The following CRB2 variants were observed in gnomAD, a reference collection of about 807,000 sequenced individuals.
The protein encoded by CRB2 is crumbs cell polarity complex component 2, also known as protein crumbs homolog 2.
Under a neutral mutation model 110.9 loss-of-function variants are expected in CRB2, and 85 were observed. The observed-to-expected ratio is 0.77, with a 90% CI of 0.64 to 0.92. The LOEUF (loss-of-function observed/expected upper bound fraction) is 0.92. Ranked by LOEUF, CRB2 falls within the 40% of genes least tolerant of loss-of-function variation. CRB2 has a pLI of 0.00. For synonymous variants in CRB2, 907 were observed against 831.0 expected, an observed-to-expected ratio of 1.09 and a Z score of -1.57; for missense variants, 1,843 against 1,851.3, an observed-to-expected ratio of 1.00 and a Z score of 0.08.
Position 123,373,448 on chromosome 9 carries a change from T to A in CRB2, c.2917T>A (p.Trp973Arg). 6.9e-7 allele frequency: 1 copy of A among 1,451,274 alleles called. No individual in the cohort carries two copies. Among genetic ancestry groups the A allele is most frequent in the South Asian group, 1.3e-5 (1 of 74,706 alleles). The allele number at this position is 1,451,274 out of a possible 1,614,324, so 89.9% of individuals were successfully genotyped here. A position where few individuals can be genotyped will look rare whatever the true frequency, so the allele number is the denominator to read the frequency against. The change falls in exon 10 of 13, where the codon TGG becomes AGG. Residue 973 changes from tryptophan to arginine, a missense_variant. By Grantham distance (101) the Trp-to-Arg change is moderately radical. Transcript: ENST00000373631. Reference sequence around the variant, plus strand: ...GCGCCCGGCGGCCACCACCTCGCGCTGGCTGCTGTGGCTGGATGGTGCCGC... The same window carrying A: ...GCGCCCGGCGGCCACCACCTCGCGCAGGCTGCTGTGGCTGGATGGTGCCGC... ...MERPAATTSR[W>R]LLWLDGAATP...
chr9:123,374,950 G>C (rs2042081075), intron 11 of CRB2, among the ~76,000 whole-genome samples: 1 of 152,114 alleles, frequency 6.6e-6, no homozygotes, highest in Non-Finnish European at 1.5e-5. Flanking sequence ...TAAAAGTGCA[G>C]ATTCTGGGCC....
intron 1 of CRB2, 54 bp from the exon 2 acceptor site, chr9:123,362,811 G>T: frequency 6.6e-7 from 1 of 1,509,800 alleles, no homozygotes. Context: ...GTGGGGAGGA[G>T]ATTGTCCTTG....
chr9:123,373,858 C>A lies in CRB2; in HGVS notation c.3327C>A (p.His1109Gln). ...CCCCCTGCGCCCGTGGCCGCTGTCA[C>A]ACGCACCCCGACGGCCGCTTCGAGT... is the stretch of plus-strand genomic sequence containing the variant. ...HSAPCARGRC[H>Q]THPDGRFECR... The change falls in exon 10 of 13, where the codon CAC (histidine) becomes CAA (glutamine). Residue 1109 changes from histidine to glutamine, a missense_variant. Transcript: ENST00000373631. 6.4e-7 allele frequency: 1 copy of A among 1,558,638 alleles called. No individual in the cohort carries two copies. The highest frequency in any genetic ancestry group is 1.2e-5 in the South Asian group (1 of 85,638).
chr9:123,361,134 GGGA>G (rs950762903), intron 1 of CRB2, among the ~76,000 whole-genome samples: 5 of 77,780 alleles, frequency 6.4e-5, no homozygotes, highest in African/African-American at 1.5e-4. Context: ...TGGATGGGCG[GGGA>G]GGGGGGGGGG....
intron 9 of CRB2, 117 bp from the exon 10 acceptor site, chr9:123,373,017 G>C: frequency 1.3e-6 from 1 of 785,052 alleles, no homozygotes; most frequent in Non-Finnish European, 1.9e-6. Context: ...ATGATAGGTG[G>C]GTGCGTGTGC....
chr9:123,359,761 C>T (rs1302553934), intron 1 of CRB2, among the ~76,000 whole-genome samples: 2 of 152,134 alleles, frequency 1.3e-5, no homozygotes, highest in East Asian at 3.8e-4. Flanking sequence ...CAGTAAAACA[C>T]TTCTCATCAG....
chr9:123,365,213 A>G (rs2041915160), intron 2 of CRB2, among the ~76,000 whole-genome samples: 1 of 152,224 alleles, frequency 6.6e-6, no homozygotes, highest in Non-Finnish European at 1.5e-5. Flanking sequence ...CAGTGGGCTA[A>G]GATTGCAGCA....
chr9:123,361,605 G>A (rs1055394054), intron 1 of CRB2, among the ~76,000 whole-genome samples: 1 of 151,072 alleles, frequency 6.6e-6, no homozygotes, highest in Non-Finnish European at 1.5e-5. Flanking sequence ...TGGGAGCTCC[G>A]GATGGGGGTG....
chr9:123,373,840 C>A lies in CRB2; in HGVS notation c.3309C>A (p.Cys1103Ter). The A allele has an allele frequency of 6.4e-7, 1 of 1,565,776 alleles. No individual in the cohort carries two copies. Reference sequence around the variant, plus strand: ...TCGACCCCTGTCACTCCGCCCCCTGCGCCCGTGGCCGCTGTCACACGCACC... The same window carrying A: ...TCGACCCCTGTCACTCCGCCCCCTGAGCCCGTGGCCGCTGTCACACGCACC... ...AHVDPCHSAP[C>*]ARGRCHTHPD... Residue 1103 changes from cysteine (C) to a stop codon, truncating the protein, a stop_gained, in exon 10 of 13, where the codon TGC (cysteine) becomes TGA (stop). Coordinates refer to ENST00000373631, the MANE Select transcript of CRB2 (RefSeq NM_173689.7). LOFTEE classifies it high-confidence loss of function.
chr9:123,373,648 G>A lies in CRB2; in HGVS notation c.3117G>A (p.Glu1039=). The change falls in exon 10 of 13, where the codon GAG becomes GAA. Residue 1039 remains glutamate (E), a synonymous_variant. Transcript: ENST00000373631. ...CCGGCGCGGCCCCTGGCGCCCGAGA[G>A]CACTTCGCGTCTTGGCCTGGGACGC... The part of the protein sequence containing the change: ...PRPGAAPGAR[E]HFASWPGTPA... 1.4e-6 allele frequency: 2 copies of A among 1,409,444 alleles called. No homozygotes were observed. Among genetic ancestry groups the A allele is most frequent in the Non-Finnish European group, 1.8e-6 (2 of 1,088,288 alleles). 87.3% of individuals were successfully genotyped at this position (1,409,444 alleles called of 1,614,324 possible). A position where few individuals can be genotyped will look rare whatever the true frequency, so the allele number is the denominator to read the frequency against.
In CRB2 at chr9:123,373,408, G is replaced by A. The variant is rs2042047467; in HGVS notation, c.2877G>A (p.Val959=). 6.9e-6 allele frequency: 10 copies of A among 1,443,742 alleles called. No individual in the cohort carries two copies. The highest frequency in any genetic ancestry group is 9.1e-6 in the Non-Finnish European group (10 of 1,103,928). 89.4% of individuals were successfully genotyped at this position (1,443,742 alleles called of 1,614,324 possible). The part of the protein sequence containing the change: ...PRVADGAWHR[V]RLAMERPAAT... ...TGGCCGATGGTGCCTGGCACCGCGTGCGTCTGGCCATGGAGCGCCCGGCGG... is the reference window on the plus strand; with the variant it reads ...TGGCCGATGGTGCCTGGCACCGCGTACGTCTGGCCATGGAGCGCCCGGCGG... The change falls in exon 10 of 13, where the codon GTG becomes GTA. Residue 959 remains valine, a synonymous_variant. Transcript: ENST00000373631.
At chr9:123,379,430 C>G (rs193005980), downstream of CRB2, among the ~76,000 whole-genome samples, 1 of 152,350 alleles carries the variant, frequency 6.6e-6, no homozygotes, top group East Asian at 1.9e-4. Context: ...CAGGGCTGAG[C>G]AGGCCTGTTG....
rs2042049885 is a variant in CRB2, at chr9:123,373,466, GGTGCCGCCACCCC to G, written c.2937_2949del (p.Ala980TrpfsTer157). 5 of 1,455,288 alleles carry G rather than the reference GGTGCCGCCACCCC, an allele frequency of 3.4e-6. No individual in the cohort carries two copies. The highest frequency in any genetic ancestry group is 4.5e-6 in the Non-Finnish European group (5 of 1,111,466). 90.1% of individuals were successfully genotyped at this position (1,455,288 alleles called of 1,614,324 possible). A position where few individuals can be genotyped will look rare whatever the true frequency, so the allele number is the denominator to read the frequency against. ...CTCGCGCTGGCTGCTGTGGCTGGAT[GGTGCCGCCACCCC>G]GGTGGCGCTGCGCGGCCTGGCCAGT... On this transcript the variant is annotated frameshift_variant, in exon 10 of 13. Coordinates refer to ENST00000373631, the MANE Select transcript of CRB2 (RefSeq NM_173689.7). LOFTEE classifies it high-confidence loss of function.
At chr9:123,364,117 G>A (rs1460158169) in intron 2 of CRB2, among the ~76,000 whole-genome samples, 1 of 152,228 alleles carries the variant, frequency 6.6e-6, no homozygotes, top group African/African-American at 2.4e-5. Context: ...GGCAGCTGAT[G>A]AAGAGAGATT....
chr9:123,374,263 G>A (rs2042069076), intron 10 of CRB2, among the ~76,000 whole-genome samples: 2 of 151,988 alleles, frequency 1.3e-5, no homozygotes, highest in Admixed American at 6.5e-5. Flanking sequence ...TCTCCCGGGA[G>A]CCCAGCGTGT....
At chr9:123,374,012 C>T in intron 10 of CRB2, 92 bp downstream of exon 10, 5 of 1,467,094 alleles carry the variant, frequency 3.4e-6, no homozygotes, top group Non-Finnish European at 3.7e-6. Flanking sequence ...TGAGTCGCTT[C>T]CCTTCCCTGG....
chr9:123,374,560 GC>G lies in CRB2; in HGVS notation c.3390-17del. On this transcript the variant is annotated intron_variant, in intron 10 of 12. Transcript: ENST00000373631. ...TCCCAGGTGTCCTGCACCCACTCCA[GC>G]CTCTGCTCTCTCCCCAGGTTGCCTG... 6.3e-7 allele frequency: 1 copy of G among 1,593,110 alleles called. No individual in the cohort carries two copies. The highest frequency in any genetic ancestry group is 8.6e-7 in the Non-Finnish European group (1 of 1,162,874).
Position 123,373,406 on chromosome 9 carries a change from G to A in CRB2, c.2875G>A (p.Val959Met), listed in dbSNP as rs1010774765. The change falls in exon 10 of 13, where the codon GTG becomes ATG. Residue 959 changes from valine (V) to methionine (M), a missense_variant. Coordinates refer to ENST00000373631, the MANE Select transcript of CRB2 (RefSeq NM_173689.7). ...PRVADGAWHR[V>M]RLAMERPAAT... is the part of the protein sequence containing the mutation. ...CGTGGCCGATGGTGCCTGGCACCGC[G>A]TGCGTCTGGCCATGGAGCGCCCGGC... 12 of 1,443,254 alleles carry A rather than the reference G, an allele frequency of 8.3e-6. No individual in the cohort carries two copies. The highest frequency in any genetic ancestry group is 9.1e-6 in the Non-Finnish European group (10 of 1,103,702). 89.4% of individuals were successfully genotyped at this position (1,443,254 alleles called of 1,614,324 possible). A position where few individuals can be genotyped will look rare whatever the true frequency, so the allele number is the denominator to read the frequency against.
chr9:123,374,053 G>C, intron 10 of CRB2, 133 bp downstream of exon 10: 1 of 1,148,678 alleles, frequency 8.7e-7, no homozygotes, highest in Non-Finnish European at 1.3e-6. Context: ...ACATGAGGAG[G>C]ACAGTTTAAT....
Sources: gnomAD v4.1 joint callset for allele counts (sites outside exome capture counted in the v4.1 genomes callset) on GRCh38, gnomAD v4.1.1 for gene constraint, MANE v1.5 for transcripts, NCBI Gene and HGNC (gene_info 2026-07-23, HGNC 2026-07-21) for gene names.